The following DGLUCY variants were observed in gnomAD, a reference collection of about 807,000 sequenced individuals.
The protein encoded by DGLUCY is D-glutamate cyclase.
Under a neutral mutation model 58.5 loss-of-function variants are expected in DGLUCY, and 58 were observed. That is an observed-to-expected ratio of 0.99 (90% CI 0.80 to 1.23). DGLUCY has a LOEUF of 1.23. Among genes scored for constraint, DGLUCY ranks in the 50% most tolerant of loss-of-function variants. The pLI is 0.00. For synonymous variants in DGLUCY, 325 were observed against 314.1 expected, an observed-to-expected ratio of 1.03 and a Z score of -0.37; for missense variants, 779 against 784.7, an observed-to-expected ratio of 0.99 and a Z score of 0.09.
intron 1 of DGLUCY, among the ~76,000 whole-genome samples, chr14:91,133,189 G>A (rs1037435527): frequency 6.6e-6 from 1 of 151,950 alleles, no homozygotes; most frequent in Non-Finnish European, 1.5e-5. Context: ...CAGCTACTTG[G>A]GGGGCTGAGG....
intron 1 of DGLUCY, among the ~76,000 whole-genome samples, chr14:91,066,802 CG>C (rs2043829211): frequency 6.6e-6 from 1 of 151,892 alleles, no homozygotes; most frequent in Non-Finnish European, 1.5e-5. Flanking sequence ...TTATTTCGGC[CG>C]GGCGCGGTGG....
intron 12 of DGLUCY, among the ~76,000 whole-genome samples, chr14:91,212,918 G>T (rs918256802): frequency 1.3e-5 from 2 of 150,078 alleles, no homozygotes; most frequent in African/African-American, 2.5e-5. Flanking sequence ...GGAGAATGGC[G>T]TGAACCCAAG....
At chr14:91,166,261 C>T (rs909911555) in intron 3 of DGLUCY, among the ~76,000 whole-genome samples, 1 of 152,138 alleles carries the variant, frequency 6.6e-6, no homozygotes, top group Admixed American at 6.5e-5. Flanking sequence ...GCATTACCTA[C>T]ACTTTTTTGA....
intron 13 of DGLUCY, among the ~76,000 whole-genome samples, chr14:91,219,910 A>G (rs1887174090): frequency 6.6e-6 from 1 of 152,140 alleles, no homozygotes; most frequent in South Asian, 2.1e-4. Context: ...AGCTCTGGGC[A>G]GGGGGTGGGT....
intron 1 of DGLUCY, among the ~76,000 whole-genome samples, chr14:91,073,170 C>T (rs1218029431): frequency 2.0e-5 from 3 of 152,046 alleles, no homozygotes; most frequent in Non-Finnish European, 2.9e-5. Flanking sequence ...AATTACAGGC[C>T]AGGTGCAGTG....
At chr14:91,137,908 C>A (rs1013088842) in intron 1 of DGLUCY, among the ~76,000 whole-genome samples, 2 of 152,044 alleles carry the variant, frequency 1.3e-5, no homozygotes, top group Non-Finnish European at 2.9e-5. Flanking sequence ...TGCTTCTGAG[C>A]CCCCCAATGT....
At chr14:91,108,305 A>T (rs529152394) in intron 1 of DGLUCY, among the ~76,000 whole-genome samples, 1 of 152,096 alleles carries the variant, frequency 6.6e-6, no homozygotes, top group East Asian at 1.9e-4. Context: ...CTTTGATTTT[A>T]AAAAAATTAG....
At chr14:91,093,001 T>C (rs185970763) in intron 1 of DGLUCY, among the ~76,000 whole-genome samples, 1 of 151,836 alleles carries the variant, frequency 6.6e-6, no homozygotes, top group African/African-American at 2.4e-5. Flanking sequence ...GGAGACTCAC[T>C]TGAATCCGGG....
intron 7 of DGLUCY, among the ~76,000 whole-genome samples, chr14:91,177,359 C>G (rs1488383008): frequency 6.6e-6 from 1 of 152,172 alleles, no homozygotes; most frequent in Non-Finnish European, 1.5e-5. Context: ...AGCAGGAGGA[C>G]TAACCTTTAG....
At chr14:91,115,409 T>G (rs1421272786) in intron 1 of DGLUCY, among the ~76,000 whole-genome samples, 3 of 152,192 alleles carry the variant, frequency 2.0e-5, no homozygotes, top group African/African-American at 4.8e-5. Context: ...TACATAATTA[T>G]GAGGAAGCAC....
At chr14:91,142,863 AC>A (rs1358185250) in intron 1 of DGLUCY, among the ~76,000 whole-genome samples, 1 of 149,520 alleles carries the variant, frequency 6.7e-6, no homozygotes, top group African/African-American at 2.5e-5. Context: ...ACACACACAC[AC>A]ACACACACAC....
At chr14:91,187,464 A>G (rs1212520699) in intron 8 of DGLUCY, among the ~76,000 whole-genome samples, 1 of 152,166 alleles carries the variant, frequency 6.6e-6, no homozygotes, top group African/African-American at 2.4e-5. Context: ...AATGTAGACA[A>G]AGGCACAATG....
intron 1 of DGLUCY, among the ~76,000 whole-genome samples, chr14:91,063,053 C>T (rs2043759213): frequency 6.6e-6 from 1 of 152,240 alleles, no homozygotes; most frequent in South Asian, 2.1e-4. Context: ...TGTGATCATG[C>T]TGTAAAGGAA....
chr14:91,062,796 A>C (rs1170018510), intron 1 of DGLUCY, among the ~76,000 whole-genome samples: 1 of 151,672 alleles, frequency 6.6e-6, no homozygotes, highest in Non-Finnish European at 1.5e-5. Context: ...TCATCACACT[A>C]AACCATGACT....
upstream of DGLUCY, among the ~76,000 whole-genome samples, chr14:91,104,127 A>G (rs527551434): frequency 1.1e-4 from 14 of 125,872 alleles, no homozygotes; most frequent in East Asian, 9.6e-4. Context: ...CAGTGGTGCG[A>G]TCTCGGCTCA....
rs553844281 is a variant in DGLUCY at position 91,076,508 on chromosome 14, G to T, written c.-82+15804G>T. ...GTCTGCAGATGTAGAGTCTGCAGAT[G>T]TAGAAGCCATAGATAGGAAGGGCCA... On this transcript the variant is annotated intron_variant, in intron 1 of 4. Transcript: ENST00000521334. 3.9e-5 allele frequency among the ~76,000 whole-genome samples: 6 copies of T among 152,204 alleles called. No individual in the cohort carries two copies. In the East Asian group the frequency reaches 9.6e-4, roughly 24 times the overall value.
At chr14:91,161,988 A>G (rs1245051736) in intron 3 of DGLUCY, among the ~76,000 whole-genome samples, 1 of 152,110 alleles carries the variant, frequency 6.6e-6, no homozygotes, top group African/African-American at 2.4e-5. Flanking sequence ...CTGGGAGGCA[A>G]CAGAGCAGAG....
chr14:91,205,611 A>G (rs927822373), intron 12 of DGLUCY, among the ~76,000 whole-genome samples: 1 of 152,140 alleles, frequency 6.6e-6, no homozygotes, highest in Non-Finnish European at 1.5e-5. Context: ...CAGGCGACCC[A>G]GTGGTCTGGG....
intron 9 of DGLUCY, among the ~76,000 whole-genome samples, chr14:91,192,895 G>A (rs2049983960): frequency 6.6e-6 from 1 of 152,186 alleles, no homozygotes; most frequent in East Asian, 1.9e-4. Flanking sequence ...GACCCTGTTA[G>A]GTATGAGGTG....
Sources: gnomAD v4.1 joint callset for allele counts (sites outside exome capture counted in the v4.1 genomes callset) on GRCh38, gnomAD v4.1.1 for gene constraint, MANE v1.5 for transcripts, NCBI Gene and HGNC (gene_info 2026-07-23, HGNC 2026-07-21) for gene names.